Variants in SEMA6D observed in about 807,000 individuals in gnomAD.
SEMA6D encodes the protein semaphorin 6D.
A neutral mutation model predicts 106.6 loss-of-function variants in SEMA6D; 35 were observed. That is an observed-to-expected ratio of 0.33 (90% CI 0.25 to 0.44). The LOEUF is 0.44. SEMA6D is among the 20% of genes least tolerant of loss of function. The probability of loss-of-function intolerance (pLI) is 1.00; values close to 1 mark genes in which losing one functional copy is unlikely to be tolerated. For missense variants in SEMA6D, 1,185 were observed against 1,345.9 expected, an observed-to-expected ratio of 0.88 and a Z score of 1.87; for synonymous variants, 499 against 487.7, an observed-to-expected ratio of 1.02 and a Z score of -0.31.
At chr15:47,325,067 T>G (rs946372320) in intron 1 of SEMA6D, among the ~76,000 whole-genome samples, 4 of 152,226 alleles carry the variant, frequency 2.6e-5, no homozygotes, top group Non-Finnish European at 4.4e-5. Context: ...ACTTATTCAA[T>G]CAGTTGTTTT....
chr15:47,478,456 C>T (rs74661375), intron 3 of SEMA6D, among the ~76,000 whole-genome samples: 123 of 152,234 alleles, frequency 8.1e-4, no homozygotes, highest in African/African-American at 2.5e-3. Flanking sequence ...TTCTTGTCTG[C>T]GTGGTTCATC....
intron 1 of SEMA6D, among the ~76,000 whole-genome samples, chr15:47,742,494 G>T (rs1195592841): frequency 6.6e-6 from 1 of 152,182 alleles, no homozygotes; most frequent in Non-Finnish European, 1.5e-5. Flanking sequence ...TAAGCAGAAG[G>T]TATAACCGAC....
intron 4 of SEMA6D, among the ~76,000 whole-genome samples, chr15:47,676,437 A>G (rs1205427912): frequency 6.6e-6 from 1 of 152,204 alleles, no homozygotes; most frequent in Non-Finnish European, 1.5e-5. Flanking sequence ...AATCTTTTGG[A>G]AAAATCGCAC....
chr15:47,541,782 AAG>A (rs1207658926), intron 3 of SEMA6D, among the ~76,000 whole-genome samples: 1 of 152,132 alleles, frequency 6.6e-6, no homozygotes, highest in African/African-American at 2.4e-5. Flanking sequence ...GCAATCCAAA[AAG>A]AGCTGCCAAG....
At chr15:47,316,110 TGAGACAGAATC>T (rs1555421430) in intron 1 of SEMA6D, among the ~76,000 whole-genome samples, 2 of 141,148 alleles carry the variant, frequency 1.4e-5, no homozygotes, top group Non-Finnish European at 3.0e-5. Flanking sequence ...TCCTTTTTTT[TGAGACAGAATC>T]TTGTTCTGTC....
chr15:47,358,211 A>G (rs1381455042), intron 1 of SEMA6D, among the ~76,000 whole-genome samples: 3 of 152,170 alleles, frequency 2.0e-5, no homozygotes, highest in Non-Finnish European at 2.9e-5. Context: ...AAGTCTTTGA[A>G]TAAAATGATG....
intron 4 of SEMA6D, among the ~76,000 whole-genome samples, chr15:47,639,081 C>T (rs1460461964): frequency 1.3e-5 from 2 of 152,136 alleles, no homozygotes; most frequent in Admixed American, 1.3e-4. Context: ...TGCCCTTCTG[C>T]CTGGGGTTTT....
At chr15:47,489,240 A>G (rs2043390381) in intron 3 of SEMA6D, among the ~76,000 whole-genome samples, 1 of 152,188 alleles carries the variant, frequency 6.6e-6, no homozygotes, top group African/African-American at 2.4e-5. Context: ...GGACAAGGAC[A>G]AATCCTCTCT....
chr15:47,243,768 T>C (rs1301967702), intron 1 of SEMA6D, among the ~76,000 whole-genome samples: 5 of 152,104 alleles, frequency 3.3e-5, no homozygotes, highest in African/African-American at 7.2e-5. Flanking sequence ...GCAATAGATA[T>C]GTTGAGTGTT....
chr15:47,340,171 T>C (rs1018170964), intron 1 of SEMA6D, among the ~76,000 whole-genome samples: 1 of 151,960 alleles, frequency 6.6e-6, no homozygotes, highest in African/African-American at 2.4e-5. Flanking sequence ...TGGAGCAGAG[T>C]AGGCAGAGAA....
chr15:47,773,966 C>T lies in SEMA6D; in HGVS notation c.*2181C>T, dbSNP rs967670073. 1 of 152,606 alleles carries T rather than the reference C, an allele frequency of 6.6e-6. No individual in the cohort carries two copies. The highest frequency in any genetic ancestry group is 2.4e-5 in the African/African-American group (1 of 41,458). The allele number at this position is 152,606 out of a possible 1,614,324, so 9.5% of individuals were successfully genotyped here. ...TCAGTATTTATGTTGAAATTTCTAA[C>T]ATTAAATCTAGTCTCTATCCTGTTA... is the stretch of plus-strand genomic sequence containing the variant. On this transcript the variant is annotated 3_prime_UTR_variant, in exon 19 of 19. Coordinates refer to ENST00000536845, the MANE Select transcript of SEMA6D (RefSeq NM_001358351.3).
chr15:47,500,120 A>G (rs756699251), intron 3 of SEMA6D, among the ~76,000 whole-genome samples: 14 of 152,144 alleles, frequency 9.2e-5, no homozygotes, highest in African/African-American at 3.4e-4. Context: ...CTGGGATGCT[A>G]GTAGAATGAC....
chr15:47,367,727 C>G (rs392486), intron 1 of SEMA6D, among the ~76,000 whole-genome samples: 98,211 of 147,938 alleles, frequency 0.66, 32,721 homozygotes, highest in Non-Finnish European at 0.73. Flanking sequence ...CACACACACA[C>G]AGAGAGAGAG....
intron 1 of SEMA6D, among the ~76,000 whole-genome samples, chr15:47,246,880 A>G (rs2033237163): frequency 6.6e-6 from 1 of 152,182 alleles, no homozygotes; most frequent in Non-Finnish European, 1.5e-5. Flanking sequence ...CGTGAGGCAC[A>G]TAGCAGGACA....
intron 2 of SEMA6D, among the ~76,000 whole-genome samples, chr15:47,465,802 C>G (rs1441388688): frequency 6.6e-6 from 1 of 152,150 alleles, no homozygotes; most frequent in African/African-American, 2.4e-5. Flanking sequence ...AGTTAAACCT[C>G]TTTTCATTCT....
At chr15:47,338,613 A>G (rs2037672913) in intron 1 of SEMA6D, among the ~76,000 whole-genome samples, 1 of 152,248 alleles carries the variant, frequency 6.6e-6, no homozygotes, top group Non-Finnish European at 1.5e-5. Context: ...CCTGGGAGAC[A>G]TTAATACAAT....
At chr15:47,610,919 A>G (rs763105301) in intron 4 of SEMA6D, among the ~76,000 whole-genome samples, 1 of 152,200 alleles carries the variant, frequency 6.6e-6, no homozygotes, top group Non-Finnish European at 1.5e-5. Context: ...AGGAATGACT[A>G]TATGTTATAT....
At chr15:47,273,824 C>T (rs2034675219) in intron 1 of SEMA6D, among the ~76,000 whole-genome samples, 1 of 152,182 alleles carries the variant, frequency 6.6e-6, no homozygotes, top group East Asian at 1.9e-4. Context: ...ATTAAATCTT[C>T]ATAAAGTACA....
chr15:47,311,625 A>G (rs2036450827), intron 1 of SEMA6D, among the ~76,000 whole-genome samples: 1 of 152,166 alleles, frequency 6.6e-6, no homozygotes, highest in African/African-American at 2.4e-5. Flanking sequence ...TGCATTTGAA[A>G]ATTTTAGATT....
Sources: gnomAD v4.1 joint callset for allele counts (sites outside exome capture counted in the v4.1 genomes callset) on GRCh38, gnomAD v4.1.1 for gene constraint, MANE v1.5 for transcripts, NCBI Gene and HGNC (gene_info 2026-07-23, HGNC 2026-07-21) for gene names.